The following ASIC2 variants were observed in gnomAD, a reference collection of about 807,000 sequenced individuals.
ASIC2 encodes acid-sensing ion channel 2.
A neutral mutation model predicts 57.3 loss-of-function variants in ASIC2; 25 were observed. That is an observed-to-expected ratio of 0.44 (90% CI 0.32 to 0.61). The LOEUF is 0.61. Ranked by LOEUF, ASIC2 falls within the 20% of genes least tolerant of loss-of-function variation. The pLI is 0.06. For missense variants in ASIC2, 641 were observed against 738.1 expected, an observed-to-expected ratio of 0.87 and a Z score of 1.52; for synonymous variants, 319 against 307.5, an observed-to-expected ratio of 1.04 and a Z score of -0.39.
At chr17:33,172,541 A>G (rs1905564104) in intron 1 of ASIC2, among the ~76,000 whole-genome samples, 1 of 152,184 alleles carries the variant, frequency 6.6e-6, no homozygotes, top group Non-Finnish European at 1.5e-5. Context: ...ACAAGCACAA[A>G]CACAGCACAG....
At position 33,619,857 on chromosome 17, in the gene ASIC2, C is replaced by G. The variant is rs72827233; in HGVS notation, c.556-507790G>C. Among the ~76,000 whole-genome samples the G allele has an allele frequency of 4.1e-3, 629 of 152,026 alleles. 4 individuals are homozygous for G. Among genetic ancestry groups the G allele is most frequent in the Admixed American group, 5.5e-3 (84 of 15,270 alleles). On this transcript the variant is annotated intron_variant, in intron 1 of 9. Transcript: ENST00000359872. The stretch of plus-strand genomic sequence containing the variant: ...ATATTATTTGAAAAAAAAAAATCTA[C>G]ATTTAATCTGTTCTTTCAAGGTAGA...
At chr17:33,290,513 C>T (rs1470454720) in intron 1 of ASIC2, among the ~76,000 whole-genome samples, 1 of 152,262 alleles carries the variant, frequency 6.6e-6, no homozygotes, top group Admixed American at 6.5e-5. Flanking sequence ...TTCTGTCCAA[C>T]AGCTGCGTTA....
In ASIC2 at chr17:34,099,460, AAGAAAGAG is replaced by A. The variant is rs1243658663; in HGVS notation, c.555+56510_555+56517del. 7.5e-5 allele frequency among the ~76,000 whole-genome samples: 11 copies of A among 146,112 alleles called. No homozygotes were observed. In the South Asian group the frequency reaches 8.8e-4, roughly 12 times the overall value. ...AAAAGAAAGAGAAAGAAAGAAAAGA[AAGAAAGAG>A]AGAGAAAGGAAGGAAGGAGGGAAAA... is the stretch of plus-strand genomic sequence containing the variant. On this transcript the variant is annotated intron_variant, in intron 1 of 9. Coordinates refer to the ASIC2 transcript ENST00000359872.
intron 1 of ASIC2, among the ~76,000 whole-genome samples, chr17:33,948,129 C>T (rs1904442324): frequency 6.6e-6 from 1 of 152,174 alleles, no homozygotes; most frequent in Non-Finnish European, 1.5e-5. Flanking sequence ...GTGCTAAGGG[C>T]TGGACTCTGA....
At chr17:33,185,248 C>T (rs570314308) in intron 1 of ASIC2, among the ~76,000 whole-genome samples, 3 of 152,082 alleles carry the variant, frequency 2.0e-5, no homozygotes, top group Non-Finnish European at 2.9e-5. Context: ...TTTGTTTGTC[C>T]TACTATTTCC....
intron 1 of ASIC2, among the ~76,000 whole-genome samples, chr17:33,661,719 A>G (rs1261532014): frequency 6.6e-6 from 1 of 152,198 alleles, no homozygotes; most frequent in Non-Finnish European, 1.5e-5. Flanking sequence ...TTTGCAACCT[A>G]GTCATGCTGT....
intron 1 of ASIC2, among the ~76,000 whole-genome samples, chr17:33,624,841 C>T (rs1472975615): frequency 6.6e-6 from 1 of 152,192 alleles, no homozygotes; most frequent in Non-Finnish European, 1.5e-5. Flanking sequence ...TTCACCAATC[C>T]AAGCATCCAT....
At chr17:33,625,200 C>CT (rs747809287) in intron 1 of ASIC2, among the ~76,000 whole-genome samples, 7 of 151,076 alleles carry the variant, frequency 4.6e-5, no homozygotes, top group Admixed American at 4.6e-4. Context: ...TATTATCTGT[C>CT]ATCTATCTAT....
At chr17:33,821,322 A>C (rs1597889892) in intron 1 of ASIC2, among the ~76,000 whole-genome samples, 1 of 152,160 alleles carries the variant, frequency 6.6e-6, no homozygotes, top group East Asian at 1.9e-4. Context: ...TACTGGTTCA[A>C]AACATATTTC....
chr17:33,948,691 T>A (rs921009126), intron 1 of ASIC2, among the ~76,000 whole-genome samples: 3 of 152,208 alleles, frequency 2.0e-5, no homozygotes, highest in African/African-American at 7.2e-5. Context: ...CTTCGGCAAA[T>A]GACTTTTCCT....
chr17:33,158,824 C>T (rs747949116), intron 1 of ASIC2, among the ~76,000 whole-genome samples: 1 of 152,176 alleles, frequency 6.6e-6, no homozygotes, highest in African/African-American at 2.4e-5. Context: ...GACAGGCATG[C>T]GTTAGCATTC....
At chr17:33,452,187 G>A (rs1912275305) in intron 1 of ASIC2, among the ~76,000 whole-genome samples, 1 of 152,210 alleles carries the variant, frequency 6.6e-6, no homozygotes. Flanking sequence ...CCTTCTACCT[G>A]CTTAGAGGTG....
At chr17:33,051,918 T>A (rs1413838004) in intron 3 of ASIC2, among the ~76,000 whole-genome samples, 2 of 152,196 alleles carry the variant, frequency 1.3e-5, no homozygotes, top group Non-Finnish European at 2.9e-5. Flanking sequence ...AAAGGGTTTA[T>A]CCAGGGCCCT....
chr17:33,881,291 T>C (rs1259318825), intron 1 of ASIC2, among the ~76,000 whole-genome samples: 1 of 152,064 alleles, frequency 6.6e-6, no homozygotes, highest in Admixed American at 6.5e-5. Flanking sequence ...AAATAAAGGG[T>C]ATTCAATTAG....
In ASIC2 at chr17:34,156,739, CTT is replaced by C. The variant is rs1198582956; in HGVS notation, c.-209_-208del. On this transcript the variant is annotated 5_prime_UTR_variant, in exon 1 of 10. Transcript: ENST00000359872. The surrounding 1 kb of genome is among the most constrained non-coding windows in gnomAD (Gnocchi z 4.4). ...TATAAAACCCATTCAAACTCTAGCT[CTT>C]GATTTTTTCCAGGCGATAAGGAGGG... 1 of 560,482 alleles carries C rather than the reference CTT, an allele frequency of 1.8e-6. No homozygotes were observed. Among genetic ancestry groups the C allele is most frequent in the Non-Finnish European group, 3.1e-6 (1 of 324,444 alleles). 34.7% of individuals were successfully genotyped at this position (560,482 alleles called of 1,614,324 possible).
In ASIC2 at chr17:33,097,750, G is replaced by A. The variant is rs1284698157; in HGVS notation, c.860-8760C>T. ...CAGCAGCCTTTGTTCTTTCATCTTA[G>A]AAGCTCAGTGAGTGTGGGACAGCGA... On this transcript the variant is annotated intron_variant, in intron 2 of 9. Coordinates refer to ENST00000225823, the MANE Select transcript of ASIC2 (RefSeq NM_183377.2). 2.0e-5 allele frequency among the ~76,000 whole-genome samples: 3 copies of A among 152,248 alleles called. No individual in the cohort carries two copies. In the East Asian group the frequency reaches 5.8e-4, roughly 29 times the overall value.
At chr17:33,704,884 T>C (rs1305059865) in intron 1 of ASIC2, among the ~76,000 whole-genome samples, 1 of 152,228 alleles carries the variant, frequency 6.6e-6, no homozygotes, top group Non-Finnish European at 1.5e-5. Context: ...ATATACTATA[T>C]ATTTGAGAGA....
rs12943394 is a variant in ASIC2, at chr17:33,610,056, A to G, written c.556-497989T>C. 7.3e-3 allele frequency among the ~76,000 whole-genome samples: 736 copies of G among 101,284 alleles called. 1 individual carries two copies. The highest frequency in any genetic ancestry group is 9.1e-3 in the Non-Finnish European group (431 of 47,116). The allele number at this position is 101,284 out of a possible 152,430, so 66.4% of individuals were successfully genotyped here. A position where few individuals can be genotyped will look rare whatever the true frequency, so the allele number is the denominator to read the frequency against. On this transcript the variant is annotated intron_variant, in intron 1 of 9. Transcript: ENST00000359872. ...TCACTGGGACCCTGGACAGAGGCGCACACACACACACACACACACACACAC... is the reference window on the plus strand; with the variant it reads ...TCACTGGGACCCTGGACAGAGGCGCGCACACACACACACACACACACACAC...
At chr17:33,239,824 T>A (rs1378885680) in intron 1 of ASIC2, among the ~76,000 whole-genome samples, 6 of 152,218 alleles carry the variant, frequency 3.9e-5, no homozygotes, top group African/African-American at 1.4e-4. Flanking sequence ...GCTCCCTCCA[T>A]AAGTTTTCTT....
Sources: gnomAD v4.1 joint callset for allele counts (sites outside exome capture counted in the v4.1 genomes callset) on GRCh38, gnomAD v4.1.1 for gene constraint, Gnocchi (gnomAD v3.1) non-coding constraint, MANE v1.5 for transcripts, NCBI Gene and HGNC (gene_info 2026-07-23, HGNC 2026-07-21) for gene names.